The following HMCN1 variants were observed in gnomAD, a reference collection of about 807,000 sequenced individuals.
The protein encoded by HMCN1 is hemicentin 1.
HMCN1 carries 321 observed loss-of-function variants against 625.9 expected under a neutral mutation model. That is an observed-to-expected ratio of 0.51 (90% CI 0.47 to 0.56). The LOEUF is 0.56. HMCN1 is among the 20% of genes least tolerant of loss of function. The pLI is 0.00. For synonymous variants in HMCN1, 2,425 were observed against 2,417.6 expected (o/e 1.00, Z -0.09); for missense variants, 6,588 against 6,887.3 (o/e 0.96, Z 1.54).
chr1:186,000,542 G>GGGGTGTGT (rs1441494066), intron 26 of HMCN1, among the ~76,000 whole-genome samples: 5 of 127,150 alleles, frequency 3.9e-5, no homozygotes, highest in African/African-American at 1.7e-4. Flanking sequence ...CAGCGTGTAG[G>GGGGTGTGT]GTGTGTGTGT....
At chr1:186,074,137 A>G (rs1658647371) in intron 52 of HMCN1, among the ~76,000 whole-genome samples, 1 of 152,092 alleles carries the variant, frequency 6.6e-6, no homozygotes, top group Admixed American at 6.6e-5. Context: ...AGAAGATGGG[A>G]GATGTTCTAT....
At chr1:185,920,652 T>C (rs1666954856) in intron 6 of HMCN1, among the ~76,000 whole-genome samples, 1 of 152,224 alleles carries the variant, frequency 6.6e-6, no homozygotes, top group Admixed American at 6.5e-5. Flanking sequence ...TGTTAACATA[T>C]TTTCAAACAC....
intron 1 of HMCN1, among the ~76,000 whole-genome samples, chr1:185,830,853 A>C (rs1660813934): frequency 6.6e-6 from 1 of 151,970 alleles, no homozygotes; most frequent in South Asian, 2.1e-4. Flanking sequence ...ATGCCACTGC[A>C]CTCCAGCCTG....
chr1:185,904,673 A>T (rs1665997536), intron 4 of HMCN1, among the ~76,000 whole-genome samples: 1 of 151,890 alleles, frequency 6.6e-6, no homozygotes, highest in Non-Finnish European at 1.5e-5. Flanking sequence ...TGTATATCTT[A>T]TGAACTTTGG....
At chr1:185,954,999 A>G (rs1340346004) in intron 11 of HMCN1, among the ~76,000 whole-genome samples, 2 of 152,102 alleles carry the variant, frequency 1.3e-5, no homozygotes, top group Non-Finnish European at 2.9e-5. Flanking sequence ...AGGTAATAGT[A>G]TTTTTAGATT....
At chr1:186,069,083 G>A (rs1479882872) in intron 50 of HMCN1, among the ~76,000 whole-genome samples, 4 of 152,104 alleles carry the variant, frequency 2.6e-5, no homozygotes, top group Non-Finnish European at 4.4e-5. Flanking sequence ...CTAGCCCTGC[G>A]CAATAGAATT....
chr1:185,757,554 T>C (rs1655212326), intron 1 of HMCN1, among the ~76,000 whole-genome samples: 2 of 152,176 alleles, frequency 1.3e-5, no homozygotes, highest in African/African-American at 4.8e-5. Flanking sequence ...TGCCCCTAAT[T>C]GTTCTCCATC....
Position 185,982,353 on chromosome 1 carries a change from C to T in HMCN1, c.2754C>T (p.Pro918=). 6.2e-6 allele frequency: 10 copies of T among 1,613,222 alleles called. No individual in the cohort carries two copies. Among genetic ancestry groups the T allele is most frequent in the Non-Finnish European group, 8.5e-6 (10 of 1,179,252 alleles). ...TLPCTLLAGN[P]IPERRWIKNS... The stretch of plus-strand genomic sequence containing the variant: ...CCTGTACTCTGTTAGCTGGAAATCC[C>T]ATTCCAGAACGTCGGTGGATTAAGA... Residue 918 remains proline (P), a synonymous_variant, in exon 18 of 107, where the codon CCC becomes CCT. Transcript: ENST00000271588.
intron 51 of HMCN1, 139 bp from the exon 52 acceptor site, chr1:186,070,473 G>A (rs1050951045): frequency 8.2e-6 from 6 of 729,724 alleles, no homozygotes; most frequent in African/African-American, 5.3e-5. Flanking sequence ...TGTTAACTTA[G>A]ATACTTAATG....
chr1:186,149,264 A>G (rs753385393), intron 93 of HMCN1, among the ~76,000 whole-genome samples: 3 of 152,252 alleles, frequency 2.0e-5, no homozygotes, highest in Non-Finnish European at 4.4e-5. Context: ...TTTTGTCTAC[A>G]TTGAAAATCT....
At chr1:185,792,171 T>C (rs566734147) in intron 1 of HMCN1, among the ~76,000 whole-genome samples, 2 of 152,208 alleles carry the variant, frequency 1.3e-5, no homozygotes, top group African/African-American at 4.8e-5. Flanking sequence ...GGTGATAAGA[T>C]TGGTTATCTT....
At chr1:186,090,406 C>T (rs531996068) in intron 63 of HMCN1, among the ~76,000 whole-genome samples, 1 of 151,902 alleles carries the variant, frequency 6.6e-6, no homozygotes, top group African/African-American at 2.4e-5. Flanking sequence ...AAGAAAAACA[C>T]AAAAAAATGC....
chr1:186,065,764 T>G (rs1195429670), intron 49 of HMCN1, among the ~76,000 whole-genome samples: 3 of 152,172 alleles, frequency 2.0e-5, no homozygotes, highest in Non-Finnish European at 4.4e-5. Flanking sequence ...ATCCTTTTTT[T>G]TGTGAGACTT....
At chr1:186,104,765 T>C (rs1308217955) in intron 69 of HMCN1, among the ~76,000 whole-genome samples, 1 of 152,228 alleles carries the variant, frequency 6.6e-6, no homozygotes, top group African/African-American at 2.4e-5. Flanking sequence ...ATTTCTAGCA[T>C]CTTCGAGTGC....
Position 186,082,464 on chromosome 1 carries a change from C to T in HMCN1, c.8788-401C>T, listed in dbSNP as rs145510121. 3.8e-3 allele frequency among the ~76,000 whole-genome samples: 572 copies of T among 152,192 alleles called. 4 individuals are homozygous for T. The highest frequency in any genetic ancestry group is 0.013 in the African/African-American group (540 of 41,530). ...TGGCAGAGTTCCAAAAGAGTGAGCA[C>T]GAGTGAACAGGCTTCAGTTTTGAAA... On this transcript the variant is annotated intron_variant, in intron 56 of 106. Coordinates refer to ENST00000271588, the MANE Select transcript of HMCN1 (RefSeq NM_031935.3).
chr1:186,009,233 T>C (rs1653833504), intron 30 of HMCN1, among the ~76,000 whole-genome samples: 1 of 152,192 alleles, frequency 6.6e-6, no homozygotes, highest in South Asian at 2.1e-4. Flanking sequence ...AGACTCTTAT[T>C]TCCATGGGAC....
At chr1:185,993,331 T>C in intron 23 of HMCN1, 22 bp downstream of exon 23, 1 of 1,611,594 alleles carries the variant, frequency 6.2e-7, no homozygotes, top group Non-Finnish European at 8.5e-7. Context: ...AATGAGAACA[T>C]ATGACAACCC....
intron 6 of HMCN1, among the ~76,000 whole-genome samples, 186 bp from the exon 7 acceptor site, chr1:185,922,193 G>T (rs528166318): frequency 6.6e-6 from 1 of 152,156 alleles, no homozygotes; most frequent in Non-Finnish European, 1.5e-5. Context: ...TCCCCATGGG[G>T]TATGTATTAC....
At chr1:185,889,122 G>T (rs1194247948) in intron 4 of HMCN1, among the ~76,000 whole-genome samples, 1,965 of 141,420 alleles carry the variant, frequency 0.014, 28 homozygotes, top group African/African-American at 0.056. Flanking sequence ...TCTGTTGTTG[G>T]TGTATAGGAA....
Sources: gnomAD v4.1 joint callset for allele counts (sites outside exome capture counted in the v4.1 genomes callset) on GRCh38, gnomAD v4.1.1 for gene constraint, MANE v1.5 for transcripts, NCBI Gene and HGNC (gene_info 2026-07-23, HGNC 2026-07-21) for gene names.